The following TFDP2 variants were observed in gnomAD, a reference collection of about 807,000 sequenced individuals.
TFDP2 encodes the protein transcription factor Dp-2 (E2F dimerization partner 2).
In TFDP2, 17 loss-of-function variants were observed where a neutral mutation model predicts 59.3. The observed-to-expected ratio is 0.29, with a 90% CI of 0.20 to 0.43. The LOEUF is 0.43. Among genes scored for constraint, TFDP2 ranks in the 20% least tolerant of loss-of-function variants. The pLI is 1.00. For missense variants in TFDP2, 391 were observed against 528.8 expected, an observed-to-expected ratio of 0.74 and a Z score of 2.56; for synonymous variants, 180 against 194.7, an observed-to-expected ratio of 0.92 and a Z score of 0.63.
chr3:142,129,863 G>A (rs1421426967), intron 1 of TFDP2, among the ~76,000 whole-genome samples: 1 of 151,988 alleles, frequency 6.6e-6, no homozygotes, highest in Non-Finnish European at 1.5e-5. Context: ...AATGATTAGG[G>A]AAATGCAAAT....
chr3:142,026,339 A>C (rs970520669), intron 3 of TFDP2, among the ~76,000 whole-genome samples: 3 of 151,864 alleles, frequency 2.0e-5, no homozygotes, highest in Admixed American at 6.6e-5. Flanking sequence ...ACAAAAAAAA[A>C]CAACAAAAAA....
At chr3:142,018,114 T>C (rs1945284105) in intron 3 of TFDP2, among the ~76,000 whole-genome samples, 1 of 152,040 alleles carries the variant, frequency 6.6e-6, no homozygotes, top group Non-Finnish European at 1.5e-5. Context: ...GGCTAATTTT[T>C]ATACTTTCAG....
At position 141,969,152 on chromosome 3, in the gene TFDP2, G is replaced by GAT. The variant is rs1249418860; in HGVS notation, c.732+919_732+920dup. Among the ~76,000 whole-genome samples the GAT allele has an allele frequency of 1.1e-3, 75 of 67,214 alleles. 15 individuals carry two copies. Among genetic ancestry groups the GAT allele is most frequent in the Middle Eastern group, 0.018 (2 of 114 alleles). The allele number at this position is 67,214 out of a possible 152,430, so 44.1% of individuals were successfully genotyped here. ...TAACATATATATCCCATATATATGAGATATATATATAACATATATATATAT... is the reference window on the plus strand; with the variant it reads ...TAACATATATATCCCATATATATGAGATATATATATATAACATATATATATAT... On this transcript the variant is annotated intron_variant, in intron 9 of 12. Coordinates refer to ENST00000489671, the MANE Select transcript of TFDP2 (RefSeq NM_001178139.2).
chr3:142,141,379 C>T (rs959255019), intron 1 of TFDP2, among the ~76,000 whole-genome samples: 2 of 152,232 alleles, frequency 1.3e-5, no homozygotes, highest in South Asian at 2.1e-4. Context: ...GCTGCACCCA[C>T]GGTCCAACCA....
At chr3:142,088,075 A>G (rs77828451) in intron 3 of TFDP2, among the ~76,000 whole-genome samples, 1,849 of 152,288 alleles carry the variant, frequency 0.012, 20 homozygotes, top group Non-Finnish European at 0.02. Context: ...CCAGAATGTA[A>G]GCTCCATGAG....
chr3:142,091,490 C>T (rs1040534502), intron 3 of TFDP2, among the ~76,000 whole-genome samples: 1 of 151,772 alleles, frequency 6.6e-6, no homozygotes, highest in African/African-American at 2.4e-5. Context: ...CACTTGAACC[C>T]GGGAAGTGGA....
At chr3:141,997,414 CTAT>C (rs1943366485) in intron 4 of TFDP2, among the ~76,000 whole-genome samples, 2 of 152,086 alleles carry the variant, frequency 1.3e-5, no homozygotes, top group South Asian at 4.1e-4. Context: ...CTGGTCAACC[CTAT>C]TCCTTGAACA....
chr3:142,107,060 C>T (rs1030155998), intron 1 of TFDP2, among the ~76,000 whole-genome samples: 1 of 152,078 alleles, frequency 6.6e-6, no homozygotes, highest in East Asian at 1.9e-4. Flanking sequence ...ATGCTCATGA[C>T]TCATAATTTA....
chr3:142,096,504 T>G (rs1011054705), intron 2 of TFDP2, among the ~76,000 whole-genome samples: 1 of 152,148 alleles, frequency 6.6e-6, no homozygotes, highest in African/African-American at 2.4e-5. Context: ...ATTCCTCTCT[T>G]TTTTCTCAAT....
At chr3:142,091,861 C>T (rs531119633) in intron 3 of TFDP2, among the ~76,000 whole-genome samples, 4 of 152,208 alleles carry the variant, frequency 2.6e-5, no homozygotes, top group African/African-American at 7.2e-5. Context: ...ACTTGCTGGC[C>T]GCTCACCTTC....
intron 7 of TFDP2, among the ~76,000 whole-genome samples, chr3:141,976,538 A>G (rs1344220395): frequency 6.6e-6 from 1 of 152,236 alleles, no homozygotes; most frequent in African/African-American, 2.4e-5. Flanking sequence ...AGTGAAGATC[A>G]CAAGGCAGGG....
At chr3:141,971,420 G>C (rs918024303) in intron 8 of TFDP2, among the ~76,000 whole-genome samples, 6 of 151,082 alleles carry the variant, frequency 4.0e-5, no homozygotes, top group Non-Finnish European at 8.8e-5. Flanking sequence ...GTGTTGGCAG[G>C]CGCCTGTAAT....
chr3:141,970,265 G>T, intron 8 of TFDP2, 124 bp from the exon 9 acceptor site: 2 of 820,224 alleles, frequency 2.4e-6, no homozygotes, highest in Non-Finnish European at 4.0e-6. Context: ...TTAACAATAT[G>T]AATAAAGACA....
At chr3:141,978,971 G>C (rs568869574) in intron 6 of TFDP2, among the ~76,000 whole-genome samples, 46 of 152,254 alleles carry the variant, frequency 3.0e-4, no homozygotes, top group African/African-American at 1.1e-3. Context: ...CTGAGAATAA[G>C]TCAGTGAAAA....
Position 141,952,997 on chromosome 3 carries a change from A to C in TFDP2, c.1071T>G (p.Ser357=). ...GYITDISTGP[S]WLNQGLLLNS... is the part of the protein sequence containing the mutation. ...TCAGAAGTAGTCCCTGATTTAACCA[A>C]GAAGGTCCTGTGGAGATATCTAAAG... Residue 357 remains serine (S), a synonymous_variant, in exon 12 of 13, where the codon TCT becomes TCG. Transcript: ENST00000489671. 1 of 1,614,078 alleles carries C rather than the reference A, an allele frequency of 6.2e-7. No homozygotes were observed. The highest frequency in any genetic ancestry group is 8.5e-7 in the Non-Finnish European group (1 of 1,179,938).
At chr3:142,060,503 A>G (rs1191931722) in intron 3 of TFDP2, among the ~76,000 whole-genome samples, 1 of 152,248 alleles carries the variant, frequency 6.6e-6, no homozygotes, top group Non-Finnish European at 1.5e-5. Flanking sequence ...TATGCTAGGT[A>G]CAAGTCCCAT....
At chr3:141,984,311 C>T (rs1941818812) in intron 6 of TFDP2, among the ~76,000 whole-genome samples, 1 of 152,056 alleles carries the variant, frequency 6.6e-6, no homozygotes, top group South Asian at 2.1e-4. Flanking sequence ...ACCATCCTGG[C>T]CAACGTGGTG....
intron 3 of TFDP2, among the ~76,000 whole-genome samples, chr3:142,017,830 C>T (rs541084558): frequency 5.3e-5 from 8 of 152,298 alleles, no homozygotes; most frequent in African/African-American, 1.9e-4. Flanking sequence ...GGATTACAGG[C>T]GTGAGCCACC....
chr3:142,101,928 A>G, intron 1 of TFDP2, 87 bp from the exon 2 acceptor site: 1 of 434,488 alleles, frequency 2.3e-6, no homozygotes, highest in Non-Finnish European at 4.1e-6. Context: ...ATGCATTGTT[A>G]TCTAAGTGAA....
Sources: gnomAD v4.1 joint callset for allele counts (sites outside exome capture counted in the v4.1 genomes callset) on GRCh38, gnomAD v4.1.1 for gene constraint, MANE v1.5 for transcripts, NCBI Gene and HGNC (gene_info 2026-07-23, HGNC 2026-07-21) for gene names.